The following PLEKHG5 variants were observed in gnomAD, a reference collection of about 807,000 sequenced individuals.
PLEKHG5 encodes pleckstrin homology and RhoGEF domain containing G5, also known as pleckstrin homology domain-containing family G member 5.
Under a neutral mutation model 103.8 loss-of-function variants are expected in PLEKHG5, and 52 were observed. The ratio of observed to expected loss-of-function variants is 0.50; its 90% CI spans 0.40 to 0.63. The LOEUF (loss-of-function observed/expected upper bound fraction) is 0.63, where lower values mean the gene tolerates loss of function less well. PLEKHG5 is among the 30% of genes least tolerant of loss of function. The probability of loss-of-function intolerance (pLI) is 0.00; values close to 1 mark genes in which losing one functional copy is unlikely to be tolerated. For missense variants in PLEKHG5, 1,205 were observed against 1,347.6 expected (o/e 0.89, Z 1.66); for synonymous variants, 592 against 575.5 (o/e 1.03, Z -0.41).
At chr1:6,474,647 G>GCC in intron 5 of PLEKHG5, 60 bp from the exon 6 acceptor site, 1 of 1,569,056 alleles carries the variant, frequency 6.4e-7, no homozygotes, top group Admixed American at 1.7e-5. Flanking sequence ...TTCAGCTTGG[G>GCC]CCCCGCCCCC....
intron 1 of PLEKHG5, among the ~76,000 whole-genome samples, chr1:6,518,390 G>A (rs12041462): frequency 0.11 from 17,185 of 150,950 alleles, 1,042 homozygotes; most frequent in East Asian, 0.15. Context: ...GAGAAACCCC[G>A]TCTCTACTAA....
intron 10 of PLEKHG5, among the ~76,000 whole-genome samples, chr1:6,472,281 C>CT (rs1644614582): frequency 6.6e-6 from 1 of 152,236 alleles, no homozygotes. Context: ...GAAACAGCCA[C>CT]TGAACGAAAG....
upstream of PLEKHG5, among the ~76,000 whole-genome samples, chr1:6,494,118 A>ATTTTT (rs36105555): frequency 7.9e-5 from 6 of 75,740 alleles, 1 homozygote; most frequent in Non-Finnish European, 1.3e-4. Context: ...CACCTGGCTA[A>ATTTTT]TTTTTTTTTT....
At chr1:6,519,646 G>A (rs969412179) in exon 1 of PLEKHG5, 20 of 733,010 alleles carry the variant, frequency 2.7e-5, no homozygotes, top group East Asian at 5.1e-5. Context: ...GCTTCTCCCC[G>A]ACTCAGCCCC....
upstream of PLEKHG5, among the ~76,000 whole-genome samples, chr1:6,501,102 C>T (rs1344124522): frequency 2.0e-5 from 3 of 152,198 alleles, no homozygotes; most frequent in Non-Finnish European, 1.5e-5. This position sits in a 1 kb window ranked among gnomAD's most constrained non-coding sequence, Gnocchi z 4.3. Flanking sequence ...TCTTGACAAA[C>T]CAGAGGAGCC....
chr1:6,497,174 G>C (rs1178744507), upstream of PLEKHG5: 1 of 891,622 alleles, frequency 1.1e-6, no homozygotes, highest in Non-Finnish European at 1.8e-6. The surrounding 1 kb of genome is among the most constrained non-coding windows in gnomAD (Gnocchi z 6.1). Flanking sequence ...GCCCCGACTT[G>C]GGGGCCGAGT....
chr1:6,473,341 G>A lies in PLEKHG5; in HGVS notation c.705C>T (p.Ser235=), dbSNP rs573567464. ...SCSLPSGSSG[S]TNTGDSWKNR... Reference sequence around the variant, plus strand: ...TCTTCCAGCTGTCGCCAGTGTTGGTGCTGCCACTGCTGCCGCTGGGCAGAG... The same window carrying A: ...TCTTCCAGCTGTCGCCAGTGTTGGTACTGCCACTGCTGCCGCTGGGCAGAG... The change falls in exon 8 of 21, where the codon AGC becomes AGT. Residue 235 remains serine (S), a synonymous_variant. Coordinates refer to ENST00000377728, the MANE Select transcript of PLEKHG5 (RefSeq NM_020631.6). The A allele has an allele frequency of 2.6e-5, 41 of 1,553,480 alleles. No individual in the cohort carries two copies. The highest frequency in any genetic ancestry group is 3.4e-5 in the Non-Finnish European group (39 of 1,149,204).
chr1:6,516,284 T>G (rs1013465764), intron 1 of PLEKHG5, among the ~76,000 whole-genome samples: 1 of 152,196 alleles, frequency 6.6e-6, no homozygotes, highest in African/African-American at 2.4e-5. Flanking sequence ...AGGTGAAATA[T>G]TGGAAACAAT....
chr1:6,497,594 G>T (rs1224561654), upstream of PLEKHG5, among the ~76,000 whole-genome samples: 1 of 151,978 alleles, frequency 6.6e-6, no homozygotes, highest in South Asian at 2.1e-4. This position sits in a 1 kb window ranked among gnomAD's most constrained non-coding sequence, Gnocchi z 6.1. Context: ...TCCACCTCCC[G>T]GAGGGCGGGC....
upstream of PLEKHG5, among the ~76,000 whole-genome samples, chr1:6,492,234 C>T (rs995117884): frequency 7.9e-5 from 12 of 152,288 alleles, no homozygotes; most frequent in Admixed American, 7.8e-4. Context: ...ATCACTACCT[C>T]CTCCATGATA....
chr1:6,469,289 A>G, intron 18 of PLEKHG5, 46 bp downstream of exon 18: 4 of 1,612,948 alleles, frequency 2.5e-6, no homozygotes, highest in Non-Finnish European at 2.5e-6. Context: ...TGTGACCAGC[A>G]TCTCCCTAAT....
At chr1:6,472,399 T>C in intron 10 of PLEKHG5, 128 bp downstream of exon 10, 1 of 748,786 alleles carries the variant, frequency 1.3e-6, no homozygotes, top group South Asian at 1.5e-5. Context: ...GCGCAGCCCT[T>C]GTCTGACTTT....
At chr1:6,485,352 C>G in intron 1 of PLEKHG5, 3 of 1,430,292 alleles carry the variant, frequency 2.1e-6, no homozygotes, top group Non-Finnish European at 2.7e-6. Context: ...GGCACGACCC[C>G]CGGCCCAGGA....
At chr1:6,478,273 G>A (rs1163827715) in intron 1 of PLEKHG5, among the ~76,000 whole-genome samples, 7 of 152,114 alleles carry the variant, frequency 4.6e-5, no homozygotes, top group East Asian at 1.9e-4. Context: ...CCAGACTCAC[G>A]TGATCCTCGA....
At chr1:6,514,489 G>A (rs771209806) in intron 1 of PLEKHG5, among the ~76,000 whole-genome samples, 3 of 151,796 alleles carry the variant, frequency 2.0e-5, no homozygotes, top group Non-Finnish European at 4.4e-5. Context: ...ATGGCCGGGT[G>A]TGGTGGCTCA....
Position 6,469,065 on chromosome 1 carries a change from G to A in PLEKHG5, c.2226C>T (p.Ser742=), listed in dbSNP as rs370761668. The A allele has an allele frequency of 6.7e-5, 108 of 1,613,206 alleles. No homozygotes were observed. The highest frequency in any genetic ancestry group is 8.2e-5 in the Non-Finnish European group (97 of 1,179,936). Reference sequence around the variant, plus strand: ...ACCAGTGCTGAGAGTCGGGGCTGCCGCTGCTTTTCCGCATGATGGTAGGGG... The same window carrying A: ...ACCAGTGCTGAGAGTCGGGGCTGCCACTGCTTTTCCGCATGATGGTAGGGG... The part of the protein sequence containing the change: ...ASSPTIMRKS[S]GSPDSQHCAS... Residue 742 remains serine, a synonymous_variant, in exon 19 of 21, where the codon AGC becomes AGT. Coordinates refer to ENST00000377728, the MANE Select transcript of PLEKHG5 (RefSeq NM_020631.6).
chr1:6,483,715 C>T (rs532873181), intron 1 of PLEKHG5, among the ~76,000 whole-genome samples: 1 of 152,344 alleles, frequency 6.6e-6, no homozygotes, highest in Admixed American at 6.5e-5. Flanking sequence ...TCAGCCAGGG[C>T]TCTACCCACA....
upstream of PLEKHG5, among the ~76,000 whole-genome samples, chr1:6,494,118 ATTTTTTTTTTTTTTTTT>A (rs36105555): frequency 1.2e-4 from 9 of 75,740 alleles, no homozygotes; most frequent in Admixed American, 5.4e-4. Flanking sequence ...CACCTGGCTA[ATTTTTTTTTTTTTTTTT>A]TTTTTTTTTT....
intron 10 of PLEKHG5, 79 bp downstream of exon 10, chr1:6,472,448 C>G: frequency 9.6e-7 from 1 of 1,045,890 alleles, no homozygotes. Flanking sequence ...GCTCCTTCTG[C>G]AAAGGCTCAG....
Sources: allele counts gnomAD v4.1 joint callset (sites outside exome capture counted in the v4.1 genomes callset), GRCh38; gene constraint gnomAD v4.1.1; non-coding constraint Gnocchi (gnomAD v3.1); transcripts MANE v1.5; gene names NCBI Gene and HGNC (gene_info 2026-07-23, HGNC 2026-07-21).